PRKCH: variants seen among roughly 807,000 people sequenced by gnomAD.
PRKCH encodes protein kinase C eta.
A neutral mutation model predicts 82.5 loss-of-function variants in PRKCH; 28 were observed. The ratio of observed to expected loss-of-function variants is 0.34; its 90% CI spans 0.25 to 0.47. The LOEUF (loss-of-function observed/expected upper bound fraction) is 0.47, where lower values mean the gene tolerates loss of function less well. PRKCH is among the 20% of genes least tolerant of loss of function. The pLI, the probability that PRKCH is intolerant of heterozygous loss-of-function variation, is 1.00. For synonymous variants in PRKCH, 322 were observed against 327.4 expected (o/e 0.98, Z 0.18); for missense variants, 705 against 881.8 (o/e 0.80, Z 2.54).
At chr14:61,260,136 A>G (rs1191358029) in intron 1 of PRKCH, among the ~76,000 whole-genome samples, 1 of 152,244 alleles carries the variant, frequency 6.6e-6, no homozygotes, top group Non-Finnish European at 1.5e-5. Context: ...TAAATAATAT[A>G]ACTGATATTA....
chr14:61,398,482 T>G (rs906796819), intron 2 of PRKCH, among the ~76,000 whole-genome samples: 3 of 152,234 alleles, frequency 2.0e-5, no homozygotes, highest in Admixed American at 6.5e-5. Context: ...ATTTTACGAT[T>G]TGAAGAGAAC....
chr14:61,419,183 A>C (rs563570186), intron 2 of PRKCH, among the ~76,000 whole-genome samples: 1 of 152,346 alleles, frequency 6.6e-6, no homozygotes, highest in East Asian at 1.9e-4. Flanking sequence ...CAAATGTCTG[A>C]TGTGAAAATC....
At position 61,453,365 on chromosome 14, in the gene PRKCH, CT is replaced by C. The variant is rs777683146; in HGVS notation, c.960+19del. ...TTTCTCCAACCTCGGTGAGACTTTG[CT>C]TTTTTTCCATGTCTCGTAATTTAGA... is the stretch of plus-strand genomic sequence containing the variant. On this transcript the variant is annotated intron_variant, in intron 7 of 13. Coordinates refer to ENST00000332981, the MANE Select transcript of PRKCH (RefSeq NM_006255.5). 11 of 1,609,510 alleles carry C rather than the reference CT, an allele frequency of 6.8e-6. No homozygotes were observed. The highest frequency in any genetic ancestry group is 9.3e-6 in the Non-Finnish European group (11 of 1,177,086).
At chr14:61,265,345 G>A (rs990133507) in intron 1 of PRKCH, among the ~76,000 whole-genome samples, 3 of 152,184 alleles carry the variant, frequency 2.0e-5, no homozygotes, top group African/African-American at 7.2e-5. Flanking sequence ...GCAGGGCATG[G>A]AGGTGAGCAG....
chr14:61,191,622 G>A (rs1014807142), intron 1 of PRKCH, among the ~76,000 whole-genome samples: 4 of 151,608 alleles, frequency 2.6e-5, no homozygotes, highest in African/African-American at 9.7e-5. Flanking sequence ...GCGGTAAGCT[G>A]AGATGGAGCC....
intron 1 of PRKCH, among the ~76,000 whole-genome samples, chr14:61,310,092 C>T (rs1035448392): frequency 2.0e-5 from 3 of 152,258 alleles, no homozygotes; most frequent in South Asian, 2.1e-4. Flanking sequence ...GATTACAATT[C>T]GAGATGAGAT....
chr14:61,376,509 G>T (rs1383616555), intron 1 of PRKCH, among the ~76,000 whole-genome samples: 1 of 152,068 alleles, frequency 6.6e-6, no homozygotes, highest in Non-Finnish European at 1.5e-5. Context: ...CCTCTAGATT[G>T]CCTTACTTCT....
intron 1 of PRKCH, among the ~76,000 whole-genome samples, chr14:61,225,781 C>G (rs2044692334): frequency 6.6e-6 from 1 of 151,196 alleles, no homozygotes; most frequent in Non-Finnish European, 1.5e-5. Context: ...CTCTGTTGTG[C>G]AGGCTGGAGT....
At chr14:61,193,743 A>G (rs1411619431) in intron 1 of PRKCH, among the ~76,000 whole-genome samples, 4 of 152,220 alleles carry the variant, frequency 2.6e-5, no homozygotes, top group African/African-American at 7.2e-5. Flanking sequence ...AATCTGCTCA[A>G]AAAGGAGGGT....
chr14:61,291,353 C>T (rs1445130575), intron 1 of PRKCH, among the ~76,000 whole-genome samples: 2 of 110,548 alleles, frequency 1.8e-5, no homozygotes, highest in Middle Eastern at 9.4e-3. Context: ...TTTTTTGAGA[C>T]GGAGTCTCGC....
chr14:61,259,147 A>G (rs2045023667), intron 1 of PRKCH, among the ~76,000 whole-genome samples: 1 of 152,174 alleles, frequency 6.6e-6, no homozygotes, highest in South Asian at 2.1e-4. Flanking sequence ...GTGGGAGTCC[A>G]TTATCCTGTC....
chr14:61,266,133 C>T (rs2045098763), intron 1 of PRKCH, among the ~76,000 whole-genome samples: 1 of 151,782 alleles, frequency 6.6e-6, no homozygotes, highest in Non-Finnish European at 1.5e-5. Context: ...ATCATAGGTC[C>T]TTGGCTGGAC....
intron 2 of PRKCH, among the ~76,000 whole-genome samples, chr14:61,428,170 T>C (rs1199384395): frequency 6.7e-6 from 1 of 150,302 alleles, no homozygotes; most frequent in Non-Finnish European, 1.5e-5. Context: ...CAGGTTGAGT[T>C]GGTATTTTTG....
In PRKCH at chr14:61,332,667, C is replaced by T. The variant is rs180846561; in HGVS notation, c.363+10203C>T. Among the ~76,000 whole-genome samples, 17 of 152,298 alleles carry T rather than the reference C, an allele frequency of 1.1e-4. No homozygotes were observed. In the East Asian group the frequency reaches 1.3e-3, roughly 12 times the overall value. On this transcript the variant is annotated intron_variant, in intron 1 of 13. Transcript: ENST00000332981. ...TAATTGCATTAATAAGTCATATAGGCCAGAGTGAGCATATTCTATACCTCG... is the reference window on the plus strand; with the variant it reads ...TAATTGCATTAATAAGTCATATAGGTCAGAGTGAGCATATTCTATACCTCG...
chr14:61,312,366 C>T (rs933924674), intron 1 of PRKCH, among the ~76,000 whole-genome samples: 3 of 152,130 alleles, frequency 2.0e-5, no homozygotes, highest in Non-Finnish European at 4.4e-5. Flanking sequence ...ACATATTTTA[C>T]ACCAAATAGG....
chr14:61,331,771 C>A (rs931337005), intron 1 of PRKCH, among the ~76,000 whole-genome samples: 1 of 152,202 alleles, frequency 6.6e-6, no homozygotes, highest in African/African-American at 2.4e-5. Flanking sequence ...CACATAATTT[C>A]TTCCCTTTTG....
At chr14:61,205,458 C>A (rs2044515281) in intron 1 of PRKCH, among the ~76,000 whole-genome samples, 1 of 152,146 alleles carries the variant, frequency 6.6e-6, no homozygotes, top group Admixed American at 6.5e-5. Context: ...ACCTTGGAAG[C>A]CCCATTACCA....
rs552396930 is a variant in PRKCH, at chr14:61,439,181, T to G, written c.428-3930T>G. Among the ~76,000 whole-genome samples, 377 of 149,172 alleles carry G rather than the reference T, an allele frequency of 2.5e-3. 1 individual carries two copies. The highest frequency in any genetic ancestry group is 4.4e-3 in the South Asian group (21 of 4,792). Reference sequence around the variant, plus strand: ...TTAAGCACCATAGTATTCAATAGGGTTTTTTTTTAGTCCTTTTAACTCAGT... The same window carrying G: ...TTAAGCACCATAGTATTCAATAGGGGTTTTTTTTAGTCCTTTTAACTCAGT... On this transcript the variant is annotated intron_variant, in intron 2 of 13. Transcript: ENST00000332981.
At chr14:61,313,007 TAA>T (rs925315037) in intron 1 of PRKCH, among the ~76,000 whole-genome samples, 1 of 152,224 alleles carries the variant, frequency 6.6e-6, no homozygotes, top group Non-Finnish European at 1.5e-5. Flanking sequence ...GTTCAAAGGC[TAA>T]AAGAGTGTGT....
Sources: allele counts gnomAD v4.1 joint callset (sites outside exome capture counted in the v4.1 genomes callset), GRCh38; gene constraint gnomAD v4.1.1; transcripts MANE v1.5; gene names NCBI Gene and HGNC (gene_info 2026-07-23, HGNC 2026-07-21).